The following COL8A2 variants were observed in gnomAD, a reference collection of about 807,000 sequenced individuals.
The protein encoded by COL8A2 is collagen alpha-2(VIII) chain.
COL8A2 carries 16 observed loss-of-function variants against 24.0 expected under a neutral mutation model. That is an observed-to-expected ratio of 0.67 (90% CI 0.45 to 1.01). COL8A2 has a LOEUF of 1.01. Among genes scored for constraint, COL8A2 ranks in the 50% least tolerant of loss-of-function variants. COL8A2 has a pLI of 0.00. For missense variants in COL8A2, 818 were observed against 942.4 expected, an observed-to-expected ratio of 0.87 and a Z score of 1.73; for synonymous variants, 466 against 424.5, an observed-to-expected ratio of 1.10 and a Z score of -1.20.
At chr1:36,113,131 G>A (rs1288303171) in intron 2 of COL8A2, among the ~76,000 whole-genome samples, 6 of 150,586 alleles carry the variant, frequency 4.0e-5, no homozygotes, top group South Asian at 2.1e-4. Flanking sequence ...TAAGAGTCAC[G>A]GGGGTAAGGA....
At chr1:36,105,790 A>C (rs1372373852) in intron 2 of COL8A2, among the ~76,000 whole-genome samples, 1 of 151,652 alleles carries the variant, frequency 6.6e-6, no homozygotes, top group East Asian at 1.9e-4. Context: ...CTACCAAAAA[A>C]ATTAAAAAGT....
In COL8A2 at chr1:36,099,203, G is replaced by A. The variant is rs1351208104; in HGVS notation, c.478C>T (p.Pro160Ser). ...CCTGAGGGGCCCGGGAGGCCAGGGG[G>A]TCCTGGGGGTCCCCGGAGGCCCTGG... ...GDQGLRGPPG[P>S]PGLPGPSGIT... is the part of the protein sequence containing the mutation. Residue 160 changes from proline to serine, a missense_variant, in exon 4 of 4, where the codon CCC becomes TCC. By Grantham distance (74) the Pro-to-Ser change is moderately conservative. Coordinates refer to ENST00000397799, the MANE Select transcript of COL8A2 (RefSeq NM_005202.4). 1.3e-5 allele frequency: 20 copies of A among 1,530,962 alleles called. No individual in the cohort carries two copies. In the African/African-American group the frequency reaches 2.6e-4, roughly 20 times the overall value. 94.8% of individuals were successfully genotyped at this position (1,530,962 alleles called of 1,614,324 possible). A position where few individuals can be genotyped will look rare whatever the true frequency, so the allele number is the denominator to read the frequency against.
rs367993938 is a variant in COL8A2, at chr1:36,099,466, G to C, written c.215C>G (p.Pro72Arg). The C allele has an allele frequency of 1.3e-6, 2 of 1,541,064 alleles. No individual in the cohort carries two copies. The highest frequency in any genetic ancestry group is 3.9e-5 in the Admixed American group (2 of 51,218). Residue 72 changes from proline to arginine, a missense_variant, in exon 4 of 4, where the codon CCG (proline) becomes CGG (arginine). By Grantham distance (103) the Pro-to-Arg change is moderately radical. Coordinates refer to ENST00000397799, the MANE Select transcript of COL8A2 (RefSeq NM_005202.4). The stretch of plus-strand genomic sequence containing the variant: ...GCCGGGCTCTCCCTTCAGGTCCATC[G>C]GCAGCAGCGGTAGAGGCATTTCTGA... ...QYLEMPLPLL[P>R]MDLKGEPGPP...
chr1:36,097,932 C>T lies in COL8A2; in HGVS notation c.1749G>A (p.Ser583=), dbSNP rs761981458. ...CGGGCATGCCCGAGGCGGGGAAGGGCGAGGTGAGCACCGCAGTGAAGGCCG... is the reference window on the plus strand; with the variant it reads ...CGGGCATGCCCGAGGCGGGGAAGGGTGAGGTGAGCACCGCAGTGAAGGCCG... ...ATPAFTAVLT[S]PFPASGMPVK... Residue 583 remains serine, a synonymous_variant, in exon 4 of 4, where the codon TCG becomes TCA. Transcript: ENST00000397799. 2.7e-5 allele frequency: 44 copies of T among 1,610,794 alleles called. No homozygotes were observed. The highest frequency in any genetic ancestry group is 5.0e-5 in the Admixed American group (3 of 59,886).
intron 2 of COL8A2, among the ~76,000 whole-genome samples, chr1:36,111,341 C>G (rs1404046200): frequency 6.6e-6 from 1 of 152,180 alleles, no homozygotes; most frequent in African/African-American, 2.4e-5. Flanking sequence ...CTGCTCTTCT[C>G]CTTCTTTGAA....
chr1:36,108,473 C>T (rs773242342), intron 2 of COL8A2, among the ~76,000 whole-genome samples: 10 of 152,284 alleles, frequency 6.6e-5, no homozygotes, highest in African/African-American at 9.6e-5. Flanking sequence ...GCACGGAGCC[C>T]GAGGTGGGAC....
chr1:36,100,320 G>A, intron 2 of COL8A2, 62 bp from the exon 3 acceptor site: 1 of 1,408,936 alleles, frequency 7.1e-7, no homozygotes, highest in Admixed American at 2.0e-5. Context: ...CTAGGCCCGG[G>A]GTCACCAAAA....
rs1192836083 is a variant in COL8A2, at chr1:36,096,361, ACCTGTTGGCAC to A, written c.*1197_*1207del. 2.0e-5 allele frequency: 3 copies of A among 152,166 alleles called. No homozygotes were observed. Among genetic ancestry groups the A allele is most frequent in the African/African-American group, 4.8e-5 (2 of 41,414 alleles). 9.4% of individuals were successfully genotyped at this position (152,166 alleles called of 1,614,324 possible). ...TCCAGAGCCAACTCATTCCCAAGGG[ACCTGTTGGCAC>A]CCTTTCTCTCCCAGCCTTAGCCTCC... is the stretch of plus-strand genomic sequence containing the variant. On this transcript the variant is annotated 3_prime_UTR_variant, in exon 4 of 4. Coordinates refer to ENST00000397799, the MANE Select transcript of COL8A2 (RefSeq NM_005202.4).
intron 1 of COL8A2, among the ~76,000 whole-genome samples, chr1:36,121,388 CAA>C (rs57902365): frequency 2.6e-3 from 124 of 47,646 alleles, no homozygotes; most frequent in Admixed American, 3.2e-3. Flanking sequence ...GACTCTGTCT[CAA>C]AAAAAAAAAA....
intron 2 of COL8A2, among the ~76,000 whole-genome samples, chr1:36,113,332 CTGTT>C: frequency 6.6e-6 from 1 of 152,380 alleles, no homozygotes; most frequent in African/African-American, 2.4e-5. Context: ...ATCTCTGACA[CTGTT>C]TGTCCTTCTC....
At chr1:36,105,909 A>G (rs1643752168) in intron 2 of COL8A2, among the ~76,000 whole-genome samples, 1 of 149,144 alleles carries the variant, frequency 6.7e-6, no homozygotes, top group Admixed American at 6.8e-5. Flanking sequence ...GGTTTGTGCC[A>G]CTGCACTCCA....
At chr1:36,111,508 G>A (rs189154083) in intron 2 of COL8A2, among the ~76,000 whole-genome samples, 2 of 150,792 alleles carry the variant, frequency 1.3e-5, no homozygotes, top group African/African-American at 4.9e-5. Flanking sequence ...CTCCATCACC[G>A]AGGACTCCCA....
At chr1:36,106,396 C>G (rs1055041041) in intron 2 of COL8A2, among the ~76,000 whole-genome samples, 2 of 152,178 alleles carry the variant, frequency 1.3e-5, no homozygotes, top group Non-Finnish European at 2.9e-5. Flanking sequence ...CACACCATCC[C>G]CACTCTCCTG....
intron 2 of COL8A2, among the ~76,000 whole-genome samples, chr1:36,109,345 T>G (rs1193628830): frequency 6.6e-6 from 1 of 152,228 alleles, no homozygotes; most frequent in Non-Finnish European, 1.5e-5. Context: ...CTTCTGGCTC[T>G]GTCTCTGTCA....
Position 36,098,992 on chromosome 1 carries a change from A to G in COL8A2, c.689T>C (p.Leu230Pro). The change falls in exon 4 of 4, where the codon CTC (leucine) becomes CCC (proline). Residue 230 changes from leucine (L) to proline (P), a missense_variant. Physicochemically the swap from Leu to Pro is moderately conservative, Grantham distance 98. This residue lies in a region of COL8A2 where 573 missense variants were observed against 616.8 expected (regional missense o/e 0.93). Coordinates refer to ENST00000397799, the MANE Select transcript of COL8A2 (RefSeq NM_005202.4). ...GQGGAPGPPG[L>P]PGPAGLGKPG... ...TTTGCCTAAGCCAGCTGGACCAGGGAGGCCGGGGGGGCCGGGGGCACCCCC... is the reference window on the plus strand; with the variant it reads ...TTTGCCTAAGCCAGCTGGACCAGGGGGGCCGGGGGGGCCGGGGGCACCCCC... 1 of 1,596,068 alleles carries G rather than the reference A, an allele frequency of 6.3e-7. No homozygotes were observed. The highest frequency in any genetic ancestry group is 8.5e-7 in the Non-Finnish European group (1 of 1,169,688).
At chr1:36,099,846 A>G (rs1643647857) in intron 3 of COL8A2, among the ~76,000 whole-genome samples, 1 of 152,196 alleles carries the variant, frequency 6.6e-6, no homozygotes, top group South Asian at 2.1e-4. Context: ...TTCCCAGTTC[A>G]TCTCCCCCTT....
In COL8A2 at chr1:36,102,666, TTTTTG is replaced by T. The variant is rs1339366108; in HGVS notation, c.-16-2413_-16-2409del. Reference sequence around the variant, plus strand: ...TGTGAATTATATCTATAAAGCTGGTTTTTTGTTTTTTTTTTTTTTTTTTGAGATGG... The same window carrying T: ...TGTGAATTATATCTATAAAGCTGGTTTTTTTTTTTTTTTTTTTTGAGATGG... On this transcript the variant is annotated intron_variant, in intron 2 of 3. Coordinates refer to ENST00000397799, the MANE Select transcript of COL8A2 (RefSeq NM_005202.4). Among the ~76,000 whole-genome samples the T allele has an allele frequency of 3.2e-3, 393 of 124,030 alleles. 12 individuals are homozygous for T. The highest frequency in any genetic ancestry group is 0.011 in the African/African-American group (355 of 32,254). 81.4% of individuals were successfully genotyped at this position (124,030 alleles called of 152,430 possible).
At position 36,098,406 on chromosome 1, in the gene COL8A2, G is replaced by A. The variant is rs1224569780; in HGVS notation, c.1275C>T (p.Pro425=). ...GAHGPPGPTG[P]KGEPGFTGRP... is the part of the protein sequence containing the mutation. ...GACCCGTGAAACCCGGCTCACCCTTGGGCCCAGTTGGTCCAGGGGGTCCAT... is the reference window on the plus strand; with the variant it reads ...GACCCGTGAAACCCGGCTCACCCTTAGGCCCAGTTGGTCCAGGGGGTCCAT... The change falls in exon 4 of 4, where the codon CCC becomes CCT. Residue 425 remains proline, a synonymous_variant. Transcript: ENST00000397799. 3.2e-6 allele frequency: 5 copies of A among 1,578,936 alleles called. No homozygotes were observed. The South Asian group carries it at 5.8e-5, about 18-fold the overall frequency.
In COL8A2 at chr1:36,098,205, A is replaced by AG; in HGVS notation, c.1475dup (p.Gly493TrpfsTer46). On this transcript the variant is annotated frameshift_variant, in exon 4 of 4. Transcript: ENST00000397799. LOFTEE classifies it high-confidence loss of function. ...CAGGTTCCCCTGCTCTCCCCTCTCCAGGGGGCCCTGGCAGGCCTGGTTCCC... is the reference window on the plus strand; with the variant it reads ...CAGGTTCCCCTGCTCTCCCCTCTCCAGGGGGGCCCTGGCAGGCCTGGTTCCC... 3.9e-6 allele frequency: 6 copies of AG among 1,538,302 alleles called. No individual in the cohort carries two copies. Among genetic ancestry groups the AG allele is most frequent in the Non-Finnish European group, 4.4e-6 (5 of 1,143,164 alleles).
Sources: gnomAD v4.1 joint callset for allele counts (sites outside exome capture counted in the v4.1 genomes callset) on GRCh38, gnomAD v4.1.1 for gene constraint, gnomAD v4.1.1 regional missense constraint, MANE v1.5 for transcripts, NCBI Gene and HGNC (gene_info 2026-07-23, HGNC 2026-07-21) for gene names.